The following GSK3B variants were observed in gnomAD, a reference collection of about 807,000 sequenced individuals.
The protein encoded by GSK3B is glycogen synthase kinase 3 beta.
GSK3B carries 15 observed loss-of-function variants against 56.4 expected under a neutral mutation model. The observed-to-expected ratio is 0.27, with a 90% confidence interval of 0.18 to 0.41. GSK3B has a LOEUF of 0.41. Among genes scored for constraint, GSK3B ranks in the 10% least tolerant of loss-of-function variants. The probability of loss-of-function intolerance (pLI) is 1.00; values close to 1 mark genes in which losing one functional copy is unlikely to be tolerated. For missense variants in GSK3B, 300 were observed against 513.4 expected (o/e 0.58, Z 4.02); for synonymous variants, 181 against 188.9 (o/e 0.96, Z 0.34).
intron 2 of GSK3B, among the ~76,000 whole-genome samples, chr3:119,961,116 A>G (rs1286964788): frequency 6.6e-6 from 1 of 152,194 alleles, no homozygotes; most frequent in Admixed American, 6.5e-5. Flanking sequence ...ACACATGTAA[A>G]GGACTACTTC....
chr3:119,974,835 G>A (rs116496420), intron 2 of GSK3B, among the ~76,000 whole-genome samples: 13 of 152,244 alleles, frequency 8.5e-5, no homozygotes, highest in African/African-American at 2.4e-4. Flanking sequence ...ACCAAAGGAC[G>A]GTGAGGATGT....
chr3:119,923,636 T>C (rs1055166030), intron 3 of GSK3B, among the ~76,000 whole-genome samples, 153 bp from the exon 4 acceptor site: 4 of 152,174 alleles, frequency 2.6e-5, no homozygotes, highest in Admixed American at 2.0e-4. Context: ...CTTCAGAATA[T>C]AACCATAATA....
At chr3:120,061,801 C>T (rs1019418727) in intron 1 of GSK3B, among the ~76,000 whole-genome samples, 6 of 152,180 alleles carry the variant, frequency 3.9e-5, no homozygotes, top group South Asian at 4.1e-4. Flanking sequence ...GGTGCAATCT[C>T]GGCTCACCGC....
intron 2 of GSK3B, among the ~76,000 whole-genome samples, chr3:119,959,240 C>T (rs1442503639): frequency 6.6e-6 from 1 of 152,188 alleles, no homozygotes; most frequent in Non-Finnish European, 1.5e-5. Context: ...CTCTTCCAGT[C>T]TCAGGGCTTT....
rs1463969086 is a variant in GSK3B at position 119,927,962 on chromosome 3, C to T, written c.367-4479G>A. Reference sequence around the variant, plus strand: ...AACTGTGAAGCATTTCAATAGCAGACGAGATGAGGACTAAAAAGAGGTTAT... The same window carrying T: ...AACTGTGAAGCATTTCAATAGCAGATGAGATGAGGACTAAAAAGAGGTTAT... On this transcript the variant is annotated intron_variant, in intron 3 of 10. Coordinates refer to ENST00000264235, the MANE Select transcript of GSK3B (RefSeq NM_001146156.2). Among the ~76,000 whole-genome samples the T allele has an allele frequency of 2.6e-5, 4 of 152,218 alleles. 1 individual carries two copies. Among genetic ancestry groups the T allele is most frequent in the South Asian group, 2.1e-4 (1 of 4,816 alleles).
chr3:119,921,682 A>T (rs2056841366), intron 4 of GSK3B, among the ~76,000 whole-genome samples: 1 of 152,202 alleles, frequency 6.6e-6, no homozygotes, highest in Non-Finnish European at 1.5e-5. Flanking sequence ...TTAGAGGCAC[A>T]TCAGCCAATC....
chr3:119,963,258 C>T (rs2057289740), intron 2 of GSK3B, among the ~76,000 whole-genome samples: 1 of 151,974 alleles, frequency 6.6e-6, no homozygotes. Flanking sequence ...GTTAAAATGT[C>T]CATATTATCC....
intron 4 of GSK3B, among the ~76,000 whole-genome samples, chr3:119,917,281 C>T (rs1378881211): frequency 6.6e-6 from 1 of 152,094 alleles, no homozygotes; most frequent in East Asian, 1.9e-4. Flanking sequence ...CTGCAGACAG[C>T]TGAATTTTAG....
chr3:120,077,663 G>T (rs947517659), intron 1 of GSK3B, among the ~76,000 whole-genome samples: 5 of 151,502 alleles, frequency 3.3e-5, no homozygotes, highest in Admixed American at 1.3e-4. Context: ...GCGAGGGAGA[G>T]GGGGTGGGTA....
intron 8 of GSK3B, among the ~76,000 whole-genome samples, chr3:119,872,910 A>T (rs2056266207): frequency 6.6e-6 from 1 of 152,172 alleles, no homozygotes; most frequent in African/African-American, 2.4e-5. Context: ...CTAAATGCAG[A>T]ATTTAAATTT....
In GSK3B at chr3:119,923,460, C is replaced by T; in HGVS notation, c.390G>A (p.Leu130=). ...CTGTTTCCGGAACATAGTCCAGCAC[C>T]AGATTAAGATAGACCTCATCTTTCT... The part of the protein sequence containing the change: ...GEKKDEVYLN[L]VLDYVPETVY... The change falls in exon 4 of 11, where the codon CTG becomes CTA. Residue 130 remains leucine, a synonymous_variant. Transcript: ENST00000264235. The T allele has an allele frequency of 6.3e-7, 1 of 1,595,498 alleles. No homozygotes were observed. Among genetic ancestry groups the T allele is most frequent in the Non-Finnish European group, 8.6e-7 (1 of 1,165,572 alleles).
intron 4 of GSK3B, among the ~76,000 whole-genome samples, chr3:119,916,738 G>A (rs1316694773): frequency 6.6e-6 from 1 of 152,194 alleles, no homozygotes; most frequent in Non-Finnish European, 1.5e-5. Context: ...TGTAATCACT[G>A]CTCTATCAAG....
intron 2 of GSK3B, among the ~76,000 whole-genome samples, chr3:119,991,374 A>T (rs1364394671): frequency 3.3e-5 from 5 of 152,210 alleles, no homozygotes; most frequent in Admixed American, 2.0e-4. Flanking sequence ...ATACCACTGA[A>T]ATGAAGATTA....
At chr3:120,006,007 T>C (rs1003661117) in intron 1 of GSK3B, among the ~76,000 whole-genome samples, 1 of 151,960 alleles carries the variant, frequency 6.6e-6, no homozygotes, top group Non-Finnish European at 1.5e-5. Flanking sequence ...TCAAGACCCA[T>C]CAATGTGCTG....
chr3:119,887,671 C>A (rs2056453886), intron 7 of GSK3B, among the ~76,000 whole-genome samples: 1 of 151,934 alleles, frequency 6.6e-6, no homozygotes, highest in African/African-American at 2.4e-5. Context: ...GGAAGTAGGG[C>A]AGATGCAGAA....
chr3:119,827,308 C>A (rs1223794902), intron 10 of GSK3B, among the ~76,000 whole-genome samples: 1 of 152,012 alleles, frequency 6.6e-6, no homozygotes, highest in Non-Finnish European at 1.5e-5. Context: ...TGTTGATGGG[C>A]AGAACAGACC....
intron 2 of GSK3B, among the ~76,000 whole-genome samples, chr3:119,981,555 C>T (rs1576245660): frequency 6.6e-6 from 1 of 152,288 alleles, no homozygotes; most frequent in Admixed American, 6.5e-5. Context: ...CCGTGCCTGG[C>T]TCGGCGGGTC....
chr3:119,839,746 C>A (rs1419344225), intron 10 of GSK3B, among the ~76,000 whole-genome samples: 1 of 152,158 alleles, frequency 6.6e-6, no homozygotes, highest in Non-Finnish European at 1.5e-5. Flanking sequence ...ATATGACTGT[C>A]ATAAACTAAA....
chr3:119,969,146 G>T (rs1265930051), intron 2 of GSK3B, among the ~76,000 whole-genome samples: 2 of 152,018 alleles, frequency 1.3e-5, no homozygotes. Flanking sequence ...ACAAAAATTA[G>T]CCAGGTGTGG....
Sources: gnomAD v4.1 joint callset for allele counts (sites outside exome capture counted in the v4.1 genomes callset) on GRCh38, gnomAD v4.1.1 for gene constraint, MANE v1.5 for transcripts, NCBI Gene and HGNC (gene_info 2026-07-23, HGNC 2026-07-21) for gene names.